The following ADAMTSL3 variants were observed in gnomAD, a reference collection of about 807,000 sequenced individuals.
ADAMTSL3 encodes ADAMTS-like protein 3.
Under a neutral mutation model 201.7 loss-of-function variants are expected in ADAMTSL3, and 128 were observed. That is an observed-to-expected ratio of 0.63 (90% confidence interval 0.55 to 0.73). ADAMTSL3 has a LOEUF of 0.73. Ranked by LOEUF, ADAMTSL3 falls within the 30% of genes least tolerant of loss-of-function variation. The probability of loss-of-function intolerance (pLI) is 0.00; values close to 1 mark genes in which losing one functional copy is unlikely to be tolerated. For missense variants in ADAMTSL3, 1,990 were observed against 2,119.6 expected (o/e 0.94, Z 1.20); for synonymous variants, 738 against 748.4 (o/e 0.99, Z 0.23).
intron 23 of ADAMTSL3, among the ~76,000 whole-genome samples, chr15:84,007,449 G>A (rs574372203): frequency 2.8e-4 from 43 of 152,288 alleles, no homozygotes; most frequent in African/African-American, 1.0e-3. Context: ...CAGCTATTCA[G>A]GAGGCTGAGA....
At chr15:83,699,307 A>G (rs956569621) in intron 2 of ADAMTSL3, among the ~76,000 whole-genome samples, 2 of 152,088 alleles carry the variant, frequency 1.3e-5, no homozygotes, top group African/African-American at 4.8e-5. Flanking sequence ...CCAACAAATC[A>G]GTTTCTGCCT....
intron 6 of ADAMTSL3, among the ~76,000 whole-genome samples, chr15:83,832,005 A>C (rs2064166715): frequency 6.6e-6 from 1 of 152,140 alleles, no homozygotes. Context: ...TTGATAACAG[A>C]AACAAAGGAG....
intron 2 of ADAMTSL3, among the ~76,000 whole-genome samples, chr15:83,666,025 G>A (rs2061243875): frequency 6.6e-6 from 1 of 151,912 alleles, no homozygotes; most frequent in African/African-American, 2.4e-5. Flanking sequence ...AACACAGGAA[G>A]GGACAATGAT....
chr15:83,722,601 A>T (rs1210964970), intron 3 of ADAMTSL3, among the ~76,000 whole-genome samples: 7 of 152,202 alleles, frequency 4.6e-5, no homozygotes, highest in African/African-American at 1.7e-4. Flanking sequence ...AAACCTATAA[A>T]CATTACAAAT....
Position 83,899,322 on chromosome 15 carries a change from G to T in ADAMTSL3, c.1616-325G>T, listed in dbSNP as rs2065677178. On this transcript the variant is annotated intron_variant, in intron 14 of 29. Transcript: ENST00000286744. ...GTGACCAAAGATAGCAAGCTGATAT[G>T]GTTGAAGTAAAAGCTTCAATATATG... 2.0e-5 allele frequency among the ~76,000 whole-genome samples: 3 copies of T among 152,124 alleles called. No homozygotes were observed. The South Asian group carries it at 6.2e-4, about 32-fold the overall frequency.
intron 21 of ADAMTSL3, among the ~76,000 whole-genome samples, chr15:83,986,264 A>G (rs549561832): frequency 6.6e-6 from 1 of 152,180 alleles, no homozygotes; most frequent in Non-Finnish European, 1.5e-5. Context: ...GGTTGAAGTG[A>G]TCTGTTGACC....
At chr15:84,006,000 C>T (rs1761282260) in intron 23 of ADAMTSL3, among the ~76,000 whole-genome samples, 1 of 152,170 alleles carries the variant, frequency 6.6e-6, no homozygotes, top group East Asian at 1.9e-4. Flanking sequence ...AAAAAGCATA[C>T]ATAACGTATT....
At chr15:83,719,306 A>C (rs2062063632) in intron 3 of ADAMTSL3, among the ~76,000 whole-genome samples, 1 of 152,232 alleles carries the variant, frequency 6.6e-6, no homozygotes, top group African/African-American at 2.4e-5. Context: ...TCTTCAACAA[A>C]TAAATTGCAA....
At chr15:83,909,911 C>T (rs749443074) in intron 15 of ADAMTSL3, among the ~76,000 whole-genome samples, 72 of 151,656 alleles carry the variant, frequency 4.7e-4, no homozygotes, top group Non-Finnish European at 7.5e-4. Flanking sequence ...CCACCACGCC[C>T]GCTGATGGGT....
At chr15:83,998,533 TCTTA>T (rs1439655587) in intron 23 of ADAMTSL3, among the ~76,000 whole-genome samples, 1 of 152,176 alleles carries the variant, frequency 6.6e-6, no homozygotes, top group Non-Finnish European at 1.5e-5. Flanking sequence ...TGAAAAAGCC[TCTTA>T]CTTACGTAAA....
chr15:83,785,393 C>G (rs1051153593), intron 4 of ADAMTSL3, among the ~76,000 whole-genome samples: 4 of 152,184 alleles, frequency 2.6e-5, no homozygotes, highest in Admixed American at 1.3e-4. Context: ...GTATAAAATT[C>G]CTAAGATACA....
rs371662656 is a variant in ADAMTSL3, at chr15:83,842,412, C to T, written c.727+4197C>T. ...GGAGCTGTAAACATTCAACTCTAGA[C>T]GCTGCCTTGGGGTTGGAGCCCCAAG... On this transcript the variant is annotated intron_variant, in intron 7 of 29. Transcript: ENST00000286744. Among the ~76,000 whole-genome samples the T allele has an allele frequency of 1.3e-4, 20 of 152,168 alleles. No individual in the cohort carries two copies. The East Asian group carries it at 1.4e-3, about 11-fold the overall frequency.
At chr15:83,693,347 C>A (rs2061638616) in intron 2 of ADAMTSL3, among the ~76,000 whole-genome samples, 1 of 152,152 alleles carries the variant, frequency 6.6e-6, no homozygotes, top group Non-Finnish European at 1.5e-5. Flanking sequence ...CCCACTGGTC[C>A]AGGAGGCAGG....
chr15:83,822,497 C>G (rs1214229879), intron 6 of ADAMTSL3, among the ~76,000 whole-genome samples: 3 of 140,578 alleles, frequency 2.1e-5, no homozygotes, highest in African/African-American at 5.9e-5. Context: ...CGGGCAGAGA[C>G]GCTCCTCACC....
intron 4 of ADAMTSL3, among the ~76,000 whole-genome samples, chr15:83,784,651 T>G (rs2063231461): frequency 6.6e-6 from 1 of 152,186 alleles, no homozygotes; most frequent in Non-Finnish European, 1.5e-5. Flanking sequence ...TCTGCTAATT[T>G]GGAAATTATA....
At chr15:83,773,409 A>G (rs898775548) in intron 3 of ADAMTSL3, 114 bp from the exon 4 acceptor site, 66 of 426,388 alleles carry the variant, frequency 1.5e-4, no homozygotes, top group Middle Eastern at 1.8e-3. Context: ...TGTCTCAATT[A>G]AAAAAAAAAA....
At chr15:83,869,062 G>A (rs1237577621) in intron 8 of ADAMTSL3, among the ~76,000 whole-genome samples, 1 of 152,162 alleles carries the variant, frequency 6.6e-6, no homozygotes, top group Non-Finnish European at 1.5e-5. Flanking sequence ...CAACACAGCC[G>A]CGGAATCCAT....
chr15:83,746,851 G>A (rs1265858583), intron 3 of ADAMTSL3, among the ~76,000 whole-genome samples: 1 of 151,942 alleles, frequency 6.6e-6, no homozygotes, highest in Non-Finnish European at 1.5e-5. Context: ...GTGACAAAGT[G>A]TGACCTTGCC....
At chr15:83,907,493 C>T (rs2065862517) in intron 15 of ADAMTSL3, among the ~76,000 whole-genome samples, 1 of 152,192 alleles carries the variant, frequency 6.6e-6, no homozygotes, top group Admixed American at 6.5e-5. Context: ...AACACCACCT[C>T]CCGGCTTCAA....
Sources: allele counts gnomAD v4.1 joint callset (sites outside exome capture counted in the v4.1 genomes callset), GRCh38; gene constraint gnomAD v4.1.1; transcripts MANE v1.5; gene names NCBI Gene and HGNC (gene_info 2026-07-23, HGNC 2026-07-21).